Variants in FBXO27 observed in about 807,000 individuals in gnomAD.
The protein encoded by FBXO27 is F-box protein 27, also known as F-box only protein 27.
In FBXO27, 28 loss-of-function variants were observed where a neutral mutation model predicts 28.3. The observed-to-expected ratio is 0.99, with a 90% CI of 0.73 to 1.36. The LOEUF is 1.36. Among genes scored for constraint, FBXO27 ranks in the 40% most tolerant of loss-of-function variants. FBXO27 has a pLI of 0.00. For missense variants in FBXO27, 388 were observed against 394.1 expected (o/e 0.98, Z 0.13); for synonymous variants, 175 against 167.3 (o/e 1.05, Z -0.36).
At chr19:39,011,062 A>G (rs916551735) in intron 2 of FBXO27, among the ~76,000 whole-genome samples, 3 of 152,200 alleles carry the variant, frequency 2.0e-5, no homozygotes, top group Non-Finnish European at 4.4e-5. Context: ...TGTTTTGGCT[A>G]TTTGGAACCT....
chr19:39,014,734 A>AAAACAAAC (rs370500495), intron 1 of FBXO27, among the ~76,000 whole-genome samples: 4 of 149,018 alleles, frequency 2.7e-5, no homozygotes, highest in African/African-American at 7.5e-5. Flanking sequence ...TAAAAACAAA[A>AAAACAAAC]AAACAAACAA....
chr19:39,007,057 CAA>C (rs34457510), intron 2 of FBXO27, among the ~76,000 whole-genome samples: 1 of 57,624 alleles, frequency 1.7e-5, no homozygotes. Flanking sequence ...TGGGTGTCTC[CAA>C]AAAAAAAAAA....
At chr19:39,014,734 AAAAC>A (rs370500495) in intron 1 of FBXO27, among the ~76,000 whole-genome samples, 1 of 149,024 alleles carries the variant, frequency 6.7e-6, no homozygotes, top group Admixed American at 6.8e-5. Context: ...TAAAAACAAA[AAAAC>A]AAACAAACAA....
intron 2 of FBXO27, among the ~76,000 whole-genome samples, chr19:39,008,930 C>T (rs1272754677): frequency 2.0e-5 from 3 of 152,154 alleles, no homozygotes; most frequent in Non-Finnish European, 4.4e-5. Context: ...AAGCAATTCT[C>T]CTGCCTCAGC....
intron 1 of FBXO27, among the ~76,000 whole-genome samples, chr19:39,018,211 C>T (rs1478149968): frequency 1.3e-5 from 2 of 152,098 alleles, no homozygotes; most frequent in Non-Finnish European, 2.9e-5. Context: ...CACATAAACA[C>T]AGACTTTGCA....
At chr19:39,026,074 T>C (rs1164637051) in intron 5 of FBXO27, among the ~76,000 whole-genome samples, 1 of 152,016 alleles carries the variant, frequency 6.6e-6, no homozygotes, top group East Asian at 1.9e-4. Flanking sequence ...TGGGTTTGCT[T>C]GTCACCAAGA....
intron 1 of FBXO27, among the ~76,000 whole-genome samples, chr19:39,017,697 G>C (rs2072826450): frequency 6.6e-6 from 1 of 150,606 alleles, no homozygotes; most frequent in Non-Finnish European, 1.5e-5. Context: ...AGATGAAACA[G>C]TCACAAAATA....
At chr19:39,007,926 A>G (rs779895595) in intron 2 of FBXO27, among the ~76,000 whole-genome samples, 15 of 152,072 alleles carry the variant, frequency 9.9e-5, no homozygotes, top group Non-Finnish European at 1.9e-4. Flanking sequence ...TGCTGGGATT[A>G]TAGGTGTGAG....
intron 4 of FBXO27, among the ~76,000 whole-genome samples, chr19:39,029,511 C>T (rs535481569): frequency 1.3e-5 from 2 of 151,408 alleles, no homozygotes; most frequent in Non-Finnish European, 2.9e-5. Context: ...GTCCTTACAT[C>T]TGGGGACCAC....
chr19:39,015,990 C>G (rs1404675170), intron 1 of FBXO27, among the ~76,000 whole-genome samples: 1 of 152,004 alleles, frequency 6.6e-6, no homozygotes, highest in African/African-American at 2.4e-5. Context: ...GAGCATCTCT[C>G]GAACCCGGGA....
chr19:39,017,004 G>C (rs770786275), intron 1 of FBXO27, among the ~76,000 whole-genome samples: 3 of 152,096 alleles, frequency 2.0e-5, no homozygotes, highest in South Asian at 4.1e-4. Context: ...AGGATCATTT[G>C]AGCCCAGGAG....
At chr19:39,030,046 T>A (rs2072893685) in intron 4 of FBXO27, among the ~76,000 whole-genome samples, 1 of 152,190 alleles carries the variant, frequency 6.6e-6, no homozygotes, top group Non-Finnish European at 1.5e-5. Context: ...TTTGCCATGC[T>A]GGCCAGGCTG....
chr19:39,028,686 A>C lies in FBXO27; in HGVS notation c.573-1681T>G, dbSNP rs147739484. ...GAGGCCAGCCTGGCCAACGTGGCCA[A>C]ACCCCGTCTCTACTAAAAATACAAA... On this transcript the variant is annotated intron_variant, in intron 4 of 5. Transcript: ENST00000292853. 6.8e-3 allele frequency among the ~76,000 whole-genome samples: 1,042 copies of C among 152,220 alleles called. 9 individuals are homozygous for C. The highest frequency in any genetic ancestry group is 0.012 in the Non-Finnish European group (803 of 68,016).
At chr19:39,015,811 C>G (rs2072816935) in intron 1 of FBXO27, among the ~76,000 whole-genome samples, 1 of 152,168 alleles carries the variant, frequency 6.6e-6, no homozygotes, top group African/African-American at 2.4e-5. Flanking sequence ...TGGCTCACGC[C>G]TATAATCCCA....
At chr19:39,007,149 A>C (rs981600012) in intron 2 of FBXO27, among the ~76,000 whole-genome samples, 2 of 150,614 alleles carry the variant, frequency 1.3e-5, no homozygotes, top group African/African-American at 4.9e-5. Context: ...GTTTTTAGGG[A>C]ACCCCAGGCA....
chr19:39,011,834 T>C (rs1353557882), intron 2 of FBXO27, among the ~76,000 whole-genome samples: 24 of 149,400 alleles, frequency 1.6e-4, no homozygotes, highest in Admixed American at 6.7e-4. Context: ...TTTCTTTTTT[T>C]TTTTTTTTTT....
intron 2 of FBXO27, among the ~76,000 whole-genome samples, chr19:39,012,326 A>C (rs2072799418): frequency 6.6e-6 from 1 of 151,798 alleles, no homozygotes; most frequent in African/African-American, 2.4e-5. Context: ...CTGCGATTAC[A>C]GGCATGGGCA....
chr19:39,011,394 T>C (rs1568456972), intron 2 of FBXO27, among the ~76,000 whole-genome samples: 1 of 152,212 alleles, frequency 6.6e-6, no homozygotes, highest in African/African-American at 2.4e-5. Flanking sequence ...ACTGTGCCGC[T>C]GGACTCCACC....
intron 2 of FBXO27, among the ~76,000 whole-genome samples, chr19:39,011,019 C>T (rs752594919): frequency 4.6e-5 from 7 of 152,206 alleles, no homozygotes; most frequent in East Asian, 1.9e-4. Flanking sequence ...AACTGGAAAG[C>T]GTGAATCCTC....
Sources: gnomAD v4.1 joint callset for allele counts (sites outside exome capture counted in the v4.1 genomes callset) on GRCh38, gnomAD v4.1.1 for gene constraint, MANE v1.5 for transcripts, NCBI Gene and HGNC (gene_info 2026-07-23, HGNC 2026-07-21) for gene names.